Variants in NADSYN1 observed in about 807,000 individuals in gnomAD.
The protein encoded by NADSYN1 is NAD synthetase 1, also known as glutamine-dependent NAD(+) synthetase.
NADSYN1 carries 80 observed loss-of-function variants against 99.3 expected under a neutral mutation model. The ratio of observed to expected loss-of-function variants is 0.81; its 90% CI spans 0.67 to 0.97. The LOEUF (loss-of-function observed/expected upper bound fraction) is 0.97, where lower values mean the gene tolerates loss of function less well. Among genes scored for constraint, NADSYN1 ranks in the 50% least tolerant of loss-of-function variants. The probability of loss-of-function intolerance (pLI) is 0.00; values close to 1 mark genes in which losing one functional copy is unlikely to be tolerated. For missense variants in NADSYN1, 859 were observed against 948.5 expected (o/e 0.91, Z 1.24); for synonymous variants, 385 against 372.1 (o/e 1.03, Z -0.40).
intron 15 of NADSYN1, 84 bp from the exon 16 acceptor site, chr11:71,485,458 C>T (rs779924151): frequency 5.7e-5 from 61 of 1,065,574 alleles, no homozygotes; most frequent in African/African-American, 1.5e-4. Context: ...TTTTAATTTT[C>T]TTGTTTTCAA....
At chr11:71,493,449 C>T (rs928500468) in intron 18 of NADSYN1, among the ~76,000 whole-genome samples, 1 of 152,026 alleles carries the variant, frequency 6.6e-6, no homozygotes, top group Non-Finnish European at 1.5e-5. Flanking sequence ...CTTAAGATTC[C>T]GATTTACAAG....
intron 2 of NADSYN1, among the ~76,000 whole-genome samples, chr11:71,456,968 C>T (rs908762402): frequency 6.6e-6 from 1 of 152,252 alleles, no homozygotes; most frequent in African/African-American, 2.4e-5. Flanking sequence ...ACCAGAGACC[C>T]TCTCACCTAG....
intron 9 of NADSYN1, chr11:71,476,816 C>G: frequency 1.0e-6 from 1 of 985,790 alleles, no homozygotes; most frequent in Non-Finnish European, 1.2e-6. Flanking sequence ...GTTCCCGGCC[C>G]CACATCAAGC....
At chr11:71,498,157 C>A (rs965842034) in intron 19 of NADSYN1, among the ~76,000 whole-genome samples, 195 bp from the exon 20 acceptor site, 1 of 152,058 alleles carries the variant, frequency 6.6e-6, no homozygotes. Flanking sequence ...GCATCAGAGG[C>A]AGGGGGACCC....
chr11:71,477,148 C>A, intron 9 of NADSYN1: 1 of 1,140,978 alleles, frequency 8.8e-7, no homozygotes, highest in South Asian at 1.8e-5. Flanking sequence ...CCCGTCGGGC[C>A]CGCGTTTCTC....
rs1236526345 is a variant in NADSYN1 at position 71,490,897 on chromosome 11, A to G, written c.1615A>G (p.Ile539Val). ...YDCSSADINP[I>V]GGISKTDLRA... is the part of the protein sequence containing the mutation. ...CTGCTCCAGTGCGGACATCAACCCC[A>G]TAGGCGGGATCAGCAAGACGGACCT... is the stretch of plus-strand genomic sequence containing the variant. Residue 539 changes from isoleucine to valine, a missense_variant, in exon 17 of 21, where the codon ATA (isoleucine) becomes GTA (valine). Transcript: ENST00000319023. The G allele has an allele frequency of 2.5e-6, 4 of 1,614,048 alleles. No individual in the cohort carries two copies. The highest frequency in any genetic ancestry group is 1.7e-5 in the Admixed American group (1 of 60,006).
At chr11:71,479,920 G>A (rs1426900836) in intron 10 of NADSYN1, 1 of 152,250 alleles carries the variant, frequency 6.6e-6, no homozygotes, top group Non-Finnish European at 1.5e-5. Context: ...GGGAGTGGCT[G>A]TAGCTTATCC....
At chr11:71,494,450 C>T (rs1352949631) in intron 18 of NADSYN1, among the ~76,000 whole-genome samples, 2 of 152,214 alleles carry the variant, frequency 1.3e-5, no homozygotes, top group African/African-American at 4.8e-5. Context: ...GATGTTCACA[C>T]GACGCAGTGG....
At position 71,458,536 on chromosome 11, in the gene NADSYN1, C is replaced by CGTGGGGATGTAAGTGCCAGTGTGA. The variant is rs1565595332; in HGVS notation, c.259_263+19dup. 8 of 1,605,288 alleles carry CGTGGGGATGTAAGTGCCAGTGTGA rather than the reference C, an allele frequency of 5.0e-6. No individual in the cohort carries two copies. In the South Asian group the frequency reaches 8.8e-5, roughly 18 times the overall value. On this transcript the variant is annotated stop_gained and inframe_insertion, in exon 3 of 21. Transcript: ENST00000319023. LOFTEE classifies it high-confidence loss of function. ...CCGTCACTCAGGACATCATCTGCGA[C>CGTGGGGATGTAAGTGCCAGTGTGA]GTGGGGATGTAAGTGCCAGTGTGAG...
chr11:71,481,935 CTG>C lies in NADSYN1; in HGVS notation c.1061_1062del (p.Leu354ProfsTer31). 6.2e-7 allele frequency: 1 copy of C among 1,613,394 alleles called. No individual in the cohort carries two copies. Among genetic ancestry groups the C allele is most frequent in the African/African-American group, 1.3e-5 (1 of 75,032 alleles). ...LRRSQQAGFL[L>X]PLSGGVDSAA... is the part of the protein sequence containing the mutation. Reference sequence around the variant, plus strand: ...TGGTCCATTCCAGGCAGGGTTTTTGCTGCCCTTGAGTGGCGGGGTGGACAGCG... The same window carrying C: ...TGGTCCATTCCAGGCAGGGTTTTTGCCCCTTGAGTGGCGGGGTGGACAGCG... On this transcript the variant is annotated frameshift_variant, in exon 13 of 21. Coordinates refer to ENST00000319023, the MANE Select transcript of NADSYN1 (RefSeq NM_018161.5). LOFTEE classifies it high-confidence loss of function.
rs949646553 is a variant in NADSYN1 at position 71,501,530 on chromosome 11, G to C, written c.*178G>C. 1 of 599,350 alleles carries C rather than the reference G, an allele frequency of 1.7e-6. No homozygotes were observed. The highest frequency in any genetic ancestry group is 1.9e-5 in the African/African-American group (1 of 53,164). 37.1% of individuals were successfully genotyped at this position (599,350 alleles called of 1,614,324 possible). A position where few individuals can be genotyped will look rare whatever the true frequency, so the allele number is the denominator to read the frequency against. The stretch of plus-strand genomic sequence containing the variant: ...AAAAAGAGGCTGGAATAAAGCCTGG[G>C]CTTAAAAAGAGGCTGGAATCCAATG... On this transcript the variant is annotated 3_prime_UTR_variant, in exon 21 of 21. Transcript: ENST00000319023.
At chr11:71,492,425 G>GA (rs961541161) in intron 18 of NADSYN1, among the ~76,000 whole-genome samples, 3 of 152,128 alleles carry the variant, frequency 2.0e-5, no homozygotes, top group Non-Finnish European at 2.9e-5. Flanking sequence ...TTAGGTCTGT[G>GA]ATCTAGTTGA....
intron 19 of NADSYN1, 128 bp downstream of exon 19, chr11:71,497,739 C>T: frequency 3.2e-6 from 4 of 1,230,982 alleles, no homozygotes; most frequent in Non-Finnish European, 4.6e-6. Flanking sequence ...GTATCTCACA[C>T]AGTAACACTT....
In NADSYN1 at chr11:71,480,857, C is replaced by T; in HGVS notation, c.976C>T (p.His326Tyr). Reference protein sequence around the residue: ...PISEPIEWKYHSPEEEISLGP... With the variant: ...PISEPIEWKYYSPEEEISLGP... ...CTCTGAGCCCATCGAGTGGAAATAC[C>T]ACAGCCCTGAGGAGGAGATAAGGTG... The change falls in exon 11 of 21, where the codon CAC (histidine) becomes TAC (tyrosine). Residue 326 changes from histidine (H) to tyrosine (Y), a missense_variant. His to Tyr is a moderately conservative substitution (Grantham distance 83, BLOSUM62 2). Transcript: ENST00000319023. The T allele has an allele frequency of 6.2e-7, 1 of 1,614,156 alleles. No individual in the cohort carries two copies. Among genetic ancestry groups the T allele is most frequent in the East Asian group, 2.2e-5 (1 of 44,866 alleles).
Position 71,501,798 on chromosome 11 carries a change from C to A in NADSYN1, c.*446C>A, listed in dbSNP as rs1340080411. On this transcript the variant is annotated 3_prime_UTR_variant, in exon 21 of 21. Coordinates refer to ENST00000319023, the MANE Select transcript of NADSYN1 (RefSeq NM_018161.5). ...TTCCAGAAGGTTCTGGGGAGATGGT[C>A]CCTGCAGAGCTTTCTTCCTGGGAGT... 5.9e-6 allele frequency: 1 copy of A among 169,230 alleles called. No individual in the cohort carries two copies. Among genetic ancestry groups the A allele is most frequent in the African/African-American group, 2.4e-5 (1 of 41,742 alleles). 10.5% of individuals were successfully genotyped at this position (169,230 alleles called of 1,614,324 possible).
Position 71,501,317 on chromosome 11 carries a change from A to G in NADSYN1, c.2086A>G (p.Arg696Gly). The G allele has an allele frequency of 6.2e-7, 1 of 1,601,006 alleles. No individual in the cohort carries two copies. Among genetic ancestry groups the G allele is most frequent in the Non-Finnish European group, 8.5e-7 (1 of 1,174,172 alleles). The change falls in exon 21 of 21, where the codon AGG becomes GGG. Residue 696 changes from arginine to glycine, a missense_variant. Coordinates refer to ENST00000319023, the MANE Select transcript of NADSYN1 (RefSeq NM_018161.5). ...CTCTTTCCAGGTGCTACAGCTCGAG[A>G]GGGCAGAGCCACAGTCCCTGGACGG... ...CIENQVLQLE[R>G]AEPQSLDGVD
intron 4 of NADSYN1, 62 bp downstream of exon 4, chr11:71,463,547 G>C: frequency 6.6e-7 from 1 of 1,513,022 alleles, no homozygotes; most frequent in Admixed American, 1.8e-5. Context: ...CTCAGCTGAG[G>C]GCTGCCAGGA....
At chr11:71,472,047 G>A (rs1027998056) in intron 5 of NADSYN1, among the ~76,000 whole-genome samples, 3 of 152,164 alleles carry the variant, frequency 2.0e-5, no homozygotes, top group Non-Finnish European at 2.9e-5. Context: ...ATACTGGTTT[G>A]TCATTGTGTT....
intron 12 of NADSYN1, 27 bp downstream of exon 12, chr11:71,481,431 C>A (rs200174564): frequency 6.2e-7 from 1 of 1,611,192 alleles, no homozygotes; most frequent in South Asian, 1.1e-5. Context: ...CTAGTGAGCC[C>A]ACTTTGCTTG....
Sources: gnomAD v4.1 joint callset for allele counts (sites outside exome capture counted in the v4.1 genomes callset) on GRCh38, gnomAD v4.1.1 for gene constraint, MANE v1.5 for transcripts, NCBI Gene and HGNC (gene_info 2026-07-23, HGNC 2026-07-21) for gene names.